Variants in ADAM23 observed in about 807,000 individuals in gnomAD.
ADAM23 encodes the protein ADAM metallopeptidase domain 23.
In ADAM23, 33 loss-of-function variants were observed where a neutral mutation model predicts 120.1. The ratio of observed to expected loss-of-function variants is 0.27; its 90% CI spans 0.21 to 0.37. ADAM23 has a LOEUF of 0.37. Among genes scored for constraint, ADAM23 ranks in the 10% least tolerant of loss-of-function variants. The pLI is 1.00. For missense variants in ADAM23, 862 were observed against 1,058.2 expected (o/e 0.81, Z 2.57); for synonymous variants, 367 against 375.2 (o/e 0.98, Z 0.25).
chr2:206,525,193 T>G (rs1193631169), intron 3 of ADAM23, among the ~76,000 whole-genome samples: 1 of 152,034 alleles, frequency 6.6e-6, no homozygotes, highest in Non-Finnish European at 1.5e-5. Context: ...TCATCTAGAC[T>G]TTTTTTTACC....
At chr2:206,498,067 C>T (rs1010591600) in intron 3 of ADAM23, among the ~76,000 whole-genome samples, 2 of 151,968 alleles carry the variant, frequency 1.3e-5, no homozygotes, top group Admixed American at 6.6e-5. Flanking sequence ...TGAAAATGGC[C>T]ATACTGCCCA....
At chr2:206,617,362 G>A (rs1490266135) in intron 25 of ADAM23, among the ~76,000 whole-genome samples, 1 of 152,260 alleles carries the variant, frequency 6.6e-6, no homozygotes, top group African/African-American at 2.4e-5. Context: ...TTCACCAAAG[G>A]ACATACTCTA....
chr2:206,537,988 G>T (rs1389117141), intron 4 of ADAM23, among the ~76,000 whole-genome samples: 1 of 152,062 alleles, frequency 6.6e-6, no homozygotes, highest in African/African-American at 2.4e-5. Context: ...AACATTCGGA[G>T]TACATTATAG....
chr2:206,460,914 TGGTGTAGGTTAG>T (rs1262037036), intron 2 of ADAM23, among the ~76,000 whole-genome samples: 2 of 152,220 alleles, frequency 1.3e-5, no homozygotes, highest in Non-Finnish European at 2.9e-5. Context: ...AATTTTTAAA[TGGTGTAGGTTAG>T]GAACCAACTT....
rs987389183 is a variant in ADAM23 at position 206,525,879 on chromosome 2, C to T, written c.510-5006C>T. ...TGCTGAGATTATAGGCATGAGCCAC[C>T]GCGTCTGGCTGGTTCTTTGTTTAAA... is the stretch of plus-strand genomic sequence containing the variant. On this transcript the variant is annotated intron_variant, in intron 3 of 25. Transcript: ENST00000264377. 3.3e-5 allele frequency among the ~76,000 whole-genome samples: 5 copies of T among 152,142 alleles called. No individual in the cohort carries two copies. In the South Asian group the frequency reaches 6.2e-4, roughly 19 times the overall value.
At chr2:206,545,355 G>A (rs984012148) in intron 6 of ADAM23, among the ~76,000 whole-genome samples, 1 of 152,032 alleles carries the variant, frequency 6.6e-6, no homozygotes, top group African/African-American at 2.4e-5. Flanking sequence ...GCGTGGTGAC[G>A]GGAGCCTGTA....
rs114489962 is a variant in ADAM23 at position 206,510,601 on chromosome 2, C to T, written c.510-20284C>T. ...CCTGGATTATTTGTGTTTGGCTTGACTGGAATTAATTAAAAAGCAGATTGT... is the reference window on the plus strand; with the variant it reads ...CCTGGATTATTTGTGTTTGGCTTGATTGGAATTAATTAAAAAGCAGATTGT... On this transcript the variant is annotated intron_variant, in intron 3 of 25. Coordinates refer to ENST00000264377, the MANE Select transcript of ADAM23 (RefSeq NM_003812.4). Among the ~76,000 whole-genome samples, 693 of 152,264 alleles carry T rather than the reference C, an allele frequency of 4.6e-3. 7 individuals are homozygous for T. Among genetic ancestry groups the T allele is most frequent in the Middle Eastern group, 0.027 (8 of 294 alleles).
rs188855663 is a variant in ADAM23 at position 206,534,201 on chromosome 2, A to C, written c.573+3253A>C. Among the ~76,000 whole-genome samples the C allele has an allele frequency of 1.7e-3, 257 of 152,308 alleles. 1 individual carries two copies. Among genetic ancestry groups the C allele is most frequent in the African/African-American group, 5.7e-3 (239 of 41,574 alleles). ...TCTCTTTTACCAACCATAGGTAACC[A>C]CTAATCTATTAATACTTTCTATCTC... On this transcript the variant is annotated intron_variant, in intron 4 of 25. Transcript: ENST00000264377.
chr2:206,596,614 A>C (rs1167215768), intron 24 of ADAM23, among the ~76,000 whole-genome samples: 1 of 152,226 alleles, frequency 6.6e-6, no homozygotes, highest in East Asian at 1.9e-4. Context: ...ACTAGGAAGG[A>C]GTTGGAATTC....
At chr2:206,549,152 T>C (rs1274646694) in intron 8 of ADAM23, among the ~76,000 whole-genome samples, 3 of 151,988 alleles carry the variant, frequency 2.0e-5, no homozygotes, top group Non-Finnish European at 2.9e-5. Context: ...GATAATGTTT[T>C]GCTGAGTGTA....
chr2:206,584,724 G>A (rs1031400214), intron 18 of ADAM23, among the ~76,000 whole-genome samples: 7 of 152,242 alleles, frequency 4.6e-5, no homozygotes, highest in Admixed American at 2.0e-4. Context: ...CTGCACACCC[G>A]ATTGGTGCCC....
chr2:206,511,110 T>C (rs932927974), intron 3 of ADAM23, among the ~76,000 whole-genome samples: 17 of 152,162 alleles, frequency 1.1e-4, no homozygotes, highest in Admixed American at 1.1e-3. Flanking sequence ...GTATTTTCGT[T>C]GTTTTTCCTT....
chr2:206,611,834 TGA>T (rs140247771), intron 25 of ADAM23, among the ~76,000 whole-genome samples: 1 of 151,946 alleles, frequency 6.6e-6, no homozygotes, highest in Non-Finnish European at 1.5e-5. Flanking sequence ...TCTTTATATC[TGA>T]GAGAGAGAGA....
intron 3 of ADAM23, among the ~76,000 whole-genome samples, chr2:206,494,899 C>T (rs939240032): frequency 1.6e-4 from 24 of 151,868 alleles, no homozygotes; most frequent in Middle Eastern, 3.4e-3. Flanking sequence ...AGGGTATCAG[C>T]GATGGAAGAC....
At chr2:206,547,121 C>T (rs1341800702) in intron 6 of ADAM23, among the ~76,000 whole-genome samples, 3 of 152,002 alleles carry the variant, frequency 2.0e-5, no homozygotes, top group Non-Finnish European at 2.9e-5. Context: ...TGAAAGCATT[C>T]GGCATGTTTT....
intron 3 of ADAM23, among the ~76,000 whole-genome samples, chr2:206,491,679 A>G (rs1368582997): frequency 6.6e-6 from 1 of 152,220 alleles, no homozygotes; most frequent in Non-Finnish European, 1.5e-5. Context: ...CATCTGAGAT[A>G]AGTTTATTAC....
intron 17 of ADAM23, among the ~76,000 whole-genome samples, chr2:206,572,891 A>C (rs1698032911): frequency 6.6e-6 from 1 of 152,184 alleles, no homozygotes; most frequent in Non-Finnish European, 1.5e-5. Flanking sequence ...GGGTTTTGAA[A>C]TCTGAACATT....
chr2:206,489,572 T>C (rs1696086333), intron 3 of ADAM23, among the ~76,000 whole-genome samples: 1 of 152,230 alleles, frequency 6.6e-6, no homozygotes. Flanking sequence ...GAAGGCTTTC[T>C]ATTATGGTGA....
intron 3 of ADAM23, among the ~76,000 whole-genome samples, chr2:206,528,543 C>T (rs1324336305): frequency 6.6e-6 from 1 of 152,172 alleles, no homozygotes; most frequent in African/African-American, 2.4e-5. Flanking sequence ...ATACGCAGGA[C>T]ATACCCAGGA....
Sources: gnomAD v4.1 joint callset for allele counts (sites outside exome capture counted in the v4.1 genomes callset) on GRCh38, gnomAD v4.1.1 for gene constraint, MANE v1.5 for transcripts, NCBI Gene and HGNC (gene_info 2026-07-23, HGNC 2026-07-21) for gene names.